The following EML6 variants were observed in gnomAD, a reference collection of about 807,000 sequenced individuals.
EML6 encodes EMAP like 6.
EML6 carries 154 observed loss-of-function variants against 240.1 expected under a neutral mutation model. That is an observed-to-expected ratio of 0.64 (90% CI 0.56 to 0.73). The LOEUF (loss-of-function observed/expected upper bound fraction) is 0.73, where lower values mean the gene tolerates loss of function less well. Ranked by LOEUF, EML6 falls within the 30% of genes least tolerant of loss-of-function variation. The probability of loss-of-function intolerance (pLI) is 0.00; values close to 1 mark genes in which losing one functional copy is unlikely to be tolerated. For synonymous variants in EML6, 1,148 were observed against 899.0 expected (o/e 1.28, Z -4.95); for missense variants, 2,964 against 2,474.6 (o/e 1.20, Z -4.20).
chr2:54,798,974 A>G (rs1245702289), intron 2 of EML6, among the ~76,000 whole-genome samples: 1 of 152,198 alleles, frequency 6.6e-6, no homozygotes, highest in African/African-American at 2.4e-5. Context: ...GACAGCATTT[A>G]TCATGAATGG....
At chr2:54,835,010 A>T (rs73935671) in intron 7 of EML6, among the ~76,000 whole-genome samples, 2,932 of 152,212 alleles carry the variant, frequency 0.019, 107 homozygotes, top group African/African-American at 0.067. Context: ...CACCCTCCGC[A>T]TTGCGCTGCT....
chr2:54,903,784 G>A (rs1673178867), intron 24 of EML6, among the ~76,000 whole-genome samples: 1 of 152,154 alleles, frequency 6.6e-6, no homozygotes, highest in Non-Finnish European at 1.5e-5. Context: ...ATCATAGCAA[G>A]CCACCACCTC....
chr2:54,806,924 G>T (rs1670526006), intron 2 of EML6, among the ~76,000 whole-genome samples: 1 of 152,060 alleles, frequency 6.6e-6, no homozygotes, highest in Admixed American at 6.6e-5. Flanking sequence ...GAGGAGACAG[G>T]TTTCAGTGAT....
intron 15 of EML6, among the ~76,000 whole-genome samples, 183 bp downstream of exon 15, chr2:54,869,550 T>G (rs1671145507): frequency 6.6e-6 from 1 of 152,196 alleles, no homozygotes; most frequent in Non-Finnish European, 1.5e-5. Context: ...TTTAGCATTA[T>G]TGGGAGACCT....
chr2:54,801,161 A>T (rs1185399952), intron 2 of EML6, among the ~76,000 whole-genome samples: 2 of 151,990 alleles, frequency 1.3e-5, no homozygotes, highest in African/African-American at 4.8e-5. Context: ...TCTACTAAAA[A>T]TACAAAAAAT....
intron 2 of EML6, among the ~76,000 whole-genome samples, chr2:54,776,676 C>T (rs1241169809): frequency 6.6e-6 from 1 of 152,126 alleles, no homozygotes; most frequent in Admixed American, 6.5e-5. Flanking sequence ...TGAACATGCA[C>T]ATGTATTCCC....
chr2:54,912,447 C>T (rs958768499), intron 25 of EML6, among the ~76,000 whole-genome samples: 3 of 152,096 alleles, frequency 2.0e-5, no homozygotes, highest in Non-Finnish European at 4.4e-5. Flanking sequence ...GGGATACATG[C>T]ATAGGTTTGT....
intron 11 of EML6, among the ~76,000 whole-genome samples, chr2:54,859,009 G>A (rs538968296): frequency 3.9e-5 from 6 of 152,292 alleles, no homozygotes; most frequent in East Asian, 1.9e-4. Context: ...TACTACTGTA[G>A]TTCAACCACA....
chr2:54,865,334 A>AC (rs909394691), intron 13 of EML6, among the ~76,000 whole-genome samples: 1 of 151,116 alleles, frequency 6.6e-6, no homozygotes, highest in African/African-American at 2.4e-5. Context: ...AAAAAAAAAA[A>AC]AACTGCTGGG....
At chr2:54,793,944 G>T (rs986128475) in intron 2 of EML6, among the ~76,000 whole-genome samples, 4 of 152,188 alleles carry the variant, frequency 2.6e-5, no homozygotes, top group African/African-American at 9.7e-5. Flanking sequence ...CTACTTGACA[G>T]TTGATGGAAC....
At chr2:54,864,751 A>G (rs1670875314) in intron 13 of EML6, among the ~76,000 whole-genome samples, 1 of 152,268 alleles carries the variant, frequency 6.6e-6, no homozygotes, top group Admixed American at 6.5e-5. Context: ...GTATTAGGAT[A>G]ACAATGCTTA....
intron 13 of EML6, among the ~76,000 whole-genome samples, chr2:54,866,442 G>C (rs890666356): frequency 6.6e-6 from 1 of 152,178 alleles, no homozygotes; most frequent in South Asian, 2.1e-4. Context: ...ATCAGTAAGA[G>C]ATTTCTGGCC....
At position 54,959,237 on chromosome 2, in the gene EML6, T is replaced by C; in HGVS notation, c.4829T>C (p.Ile1610Thr). 1 of 1,544,558 alleles carries C rather than the reference T, an allele frequency of 6.5e-7. No homozygotes were observed. Among genetic ancestry groups the C allele is most frequent in the Non-Finnish European group, 8.7e-7 (1 of 1,143,710 alleles). Reference protein sequence around the residue: ...TMYTTLRDGLIVTGGKERPTK... With the variant: ...TMYTTLRDGLTVTGGKERPTK... ...TACACAACCCTTCGGGATGGACTCA[T>C]AGTGACCGGCGGAAAAGAGAGGCCG... Residue 1610 changes from isoleucine to threonine, a missense_variant, in exon 34 of 42, where the codon ATA (isoleucine) becomes ACA (threonine). Transcript: ENST00000356458.
chr2:54,924,763 G>A (rs570045205), intron 26 of EML6, among the ~76,000 whole-genome samples: 11 of 151,918 alleles, frequency 7.2e-5, no homozygotes, highest in East Asian at 5.8e-4. Context: ...GGGTTTCGCC[G>A]TGTTGGCCAG....
intron 26 of EML6, among the ~76,000 whole-genome samples, chr2:54,925,336 T>G (rs1330226853): frequency 1.3e-5 from 2 of 152,206 alleles, no homozygotes; most frequent in African/African-American, 2.4e-5. Flanking sequence ...TTCTGCTGTT[T>G]AGCTACCCAG....
intron 30 of EML6, among the ~76,000 whole-genome samples, chr2:54,951,341 C>T (rs898590482): frequency 5.9e-5 from 9 of 151,944 alleles, no homozygotes; most frequent in East Asian, 5.8e-4. Context: ...GAGACCAGCC[C>T]GGTCAACATA....
chr2:54,785,161 A>C (rs1018601172), intron 2 of EML6, among the ~76,000 whole-genome samples: 82 of 134,248 alleles, frequency 6.1e-4, no homozygotes, highest in African/African-American at 1.3e-3. Context: ...CCACCCCCCC[A>C]CACACACACT....
chr2:54,768,077 C>A (rs1429180717), intron 2 of EML6, among the ~76,000 whole-genome samples: 2 of 152,112 alleles, frequency 1.3e-5, no homozygotes, highest in Admixed American at 6.5e-5. Flanking sequence ...TGAAAGGGAA[C>A]ATTGTAGATG....
At position 54,952,643 on chromosome 2, in the gene EML6, A is replaced by G; in HGVS notation, c.4263A>G (p.Thr1421=). The change falls in exon 31 of 42, where the codon ACA becomes ACG. Residue 1421 remains threonine, a synonymous_variant. Coordinates refer to ENST00000356458, the MANE Select transcript of EML6 (RefSeq NM_001039753.4). ...LEHTDDILCL[T]VNQHPKYRNV... is the part of the protein sequence containing the mutation. ...ACACAGATGACATCCTCTGTCTCAC[A>G]GTGAACCAGCACCCCAAGTACAGAA... 6.4e-7 allele frequency: 1 copy of G among 1,551,484 alleles called. No individual in the cohort carries two copies. The highest frequency in any genetic ancestry group is 2.4e-5 in the East Asian group (1 of 40,926).
Sources: allele counts gnomAD v4.1 joint callset (sites outside exome capture counted in the v4.1 genomes callset), GRCh38; gene constraint gnomAD v4.1.1; transcripts MANE v1.5; gene names NCBI Gene and HGNC (gene_info 2026-07-23, HGNC 2026-07-21).